The following GPATCH2 variants were observed in gnomAD, a reference collection of about 807,000 sequenced individuals.
GPATCH2 encodes the protein G-patch domain containing 2, also known as G patch domain-containing protein 2.
Under a neutral mutation model 58.0 loss-of-function variants are expected in GPATCH2, and 51 were observed. That is an observed-to-expected ratio of 0.88 (90% confidence interval 0.70 to 1.11). The LOEUF (loss-of-function observed/expected upper bound fraction) is 1.11. Ranked by LOEUF, GPATCH2 falls within the 50% of genes most tolerant of loss-of-function variation. The probability of loss-of-function intolerance (pLI) is 0.00; values close to 1 mark genes in which losing one functional copy is unlikely to be tolerated. For synonymous variants in GPATCH2, 222 were observed against 218.5 expected (o/e 1.02, Z -0.14); for missense variants, 625 against 652.2 (o/e 0.96, Z 0.45).
intron 5 of GPATCH2, among the ~76,000 whole-genome samples, chr1:217,559,635 G>C (rs1480157389): frequency 1.3e-5 from 2 of 152,194 alleles, no homozygotes; most frequent in African/African-American, 4.8e-5. Flanking sequence ...AAGCAAAAGG[G>C]AGGGTGATCC....
At chr1:217,581,871 A>C (rs1667100391) in intron 5 of GPATCH2, among the ~76,000 whole-genome samples, 1 of 152,162 alleles carries the variant, frequency 6.6e-6, no homozygotes, top group Admixed American at 6.5e-5. Context: ...GAATTGCTTG[A>C]ACCTGGGAGG....
chr1:217,524,862 G>GGAGGTAGA (rs1553336430), intron 5 of GPATCH2, among the ~76,000 whole-genome samples: 1 of 7,684 alleles, frequency 1.3e-4, no homozygotes, highest in Non-Finnish European at 3.2e-4. Context: ...AGAGGGGAGA[G>GGAGGTAGA]GGGAGAGGGG....
chr1:217,612,073 G>A (rs1419839921), intron 3 of GPATCH2, among the ~76,000 whole-genome samples: 1 of 152,000 alleles, frequency 6.6e-6, no homozygotes, highest in African/African-American at 2.4e-5. Flanking sequence ...CTAGCTACTC[G>A]GGAGTCTGAG....
At chr1:217,454,043 T>A (rs1222416467) in intron 8 of GPATCH2, among the ~76,000 whole-genome samples, 2 of 152,104 alleles carry the variant, frequency 1.3e-5, no homozygotes, top group African/African-American at 4.8e-5. Flanking sequence ...GTCTGTGGTG[T>A]CACTGGAGGA....
intron 9 of GPATCH2, among the ~76,000 whole-genome samples, chr1:217,437,450 C>G (rs920360603): frequency 4.6e-5 from 7 of 152,130 alleles, no homozygotes; most frequent in African/African-American, 1.7e-4. Context: ...CACATCCCAC[C>G]CCCATGAAGC....
At chr1:217,549,480 G>A (rs1183329360) in intron 5 of GPATCH2, among the ~76,000 whole-genome samples, 2 of 152,134 alleles carry the variant, frequency 1.3e-5, no homozygotes, top group East Asian at 1.9e-4. Context: ...AGTATCCCAT[G>A]AGAAAAGTTT....
At chr1:217,619,386 A>T (rs1021177211) in intron 2 of GPATCH2, among the ~76,000 whole-genome samples, 1 of 152,224 alleles carries the variant, frequency 6.6e-6, no homozygotes, top group African/African-American at 2.4e-5. Flanking sequence ...TTGATGTTCA[A>T]GAATCAGGAT....
intron 5 of GPATCH2, among the ~76,000 whole-genome samples, chr1:217,522,857 C>G (rs1390126642): frequency 6.6e-6 from 1 of 151,570 alleles, no homozygotes; most frequent in Non-Finnish European, 1.5e-5. Flanking sequence ...CACACAACTT[C>G]TCAAAATTAA....
At position 217,429,188 on chromosome 1, in the gene GPATCH2, C is replaced by A. The variant is rs1658423810; in HGVS notation, c.*1957G>T. The A allele has an allele frequency of 6.6e-6, 1 of 152,054 alleles. No homozygotes were observed. Among genetic ancestry groups the A allele is most frequent in the African/African-American group, 2.4e-5 (1 of 41,404 alleles). The allele number at this position is 152,054 out of a possible 1,614,324, so 9.4% of individuals were successfully genotyped here. On this transcript the variant is annotated 3_prime_UTR_variant, in exon 10 of 10. Transcript: ENST00000366935. ...TTTAAAACTTGTATATAATCTCCCC[C>A]CGGCTACATAGACAGAATGAGCATT...
chr1:217,608,563 C>T lies in GPATCH2; in HGVS notation c.1098+1758G>A, dbSNP rs910532915. ...TAAGCCTAGAAAATGGGCTACAAATCCCAGCTATGCTCAAGCAAGCAGTGA... is the reference window on the plus strand; with the variant it reads ...TAAGCCTAGAAAATGGGCTACAAATTCCAGCTATGCTCAAGCAAGCAGTGA... On this transcript the variant is annotated intron_variant, in intron 5 of 9. Transcript: ENST00000366935. The T allele has an allele frequency of 5.2e-5, 51 of 985,014 alleles. No individual in the cohort carries two copies. The African/African-American group carries it at 8.7e-4, about 17-fold the overall frequency. The allele number at this position is 985,014 out of a possible 1,614,324, so 61.0% of individuals were successfully genotyped here. A position where few individuals can be genotyped will look rare whatever the true frequency, so the allele number is the denominator to read the frequency against.
intron 5 of GPATCH2, among the ~76,000 whole-genome samples, chr1:217,528,167 G>C (rs1467562976): frequency 6.6e-6 from 1 of 152,050 alleles, no homozygotes; most frequent in Non-Finnish European, 1.5e-5. Flanking sequence ...GGTTGGATAG[G>C]CAACAAAGGT....
chr1:217,436,664 TGAC>T (rs1252692754), intron 9 of GPATCH2, among the ~76,000 whole-genome samples: 1 of 152,194 alleles, frequency 6.6e-6, no homozygotes, highest in Non-Finnish European at 1.5e-5. Flanking sequence ...TAGAATACAA[TGAC>T]GTCTGTAGCC....
intron 8 of GPATCH2, among the ~76,000 whole-genome samples, chr1:217,485,923 CTTAA>C (rs771665165): frequency 6.6e-6 from 1 of 152,182 alleles, no homozygotes; most frequent in Non-Finnish European, 1.5e-5. Flanking sequence ...ACCAGACTGT[CTTAA>C]TTAACATAGC....
At chr1:217,524,306 G>A (rs1663692244) in intron 5 of GPATCH2, among the ~76,000 whole-genome samples, 1 of 151,422 alleles carries the variant, frequency 6.6e-6, no homozygotes, top group African/African-American at 2.4e-5. Context: ...ATGGGATGGC[G>A]GCTGGGAAGA....
At chr1:217,435,417 C>T (rs1310497661) in intron 9 of GPATCH2, among the ~76,000 whole-genome samples, 1 of 152,160 alleles carries the variant, frequency 6.6e-6, no homozygotes, top group Non-Finnish European at 1.5e-5. Context: ...CTCTCTTAGC[C>T]ACTAATCTAT....
intron 5 of GPATCH2, among the ~76,000 whole-genome samples, chr1:217,553,357 T>C (rs1665453262): frequency 6.6e-6 from 1 of 152,070 alleles, no homozygotes; most frequent in South Asian, 2.1e-4. Flanking sequence ...CTTTAAAAAA[T>C]TTGGTATACA....
chr1:217,563,322 C>A (rs912775335), intron 5 of GPATCH2, among the ~76,000 whole-genome samples: 1 of 152,056 alleles, frequency 6.6e-6, no homozygotes, highest in Non-Finnish European at 1.5e-5. Context: ...ACTGCTCAAC[C>A]CTTCAAACTT....
intron 5 of GPATCH2, among the ~76,000 whole-genome samples, chr1:217,547,458 G>T (rs1217721447): frequency 6.6e-6 from 1 of 152,124 alleles, no homozygotes; most frequent in Non-Finnish European, 1.5e-5. Context: ...GTGCGAGATA[G>T]TGTGGCAATT....
chr1:217,528,508 AAGG>A (rs1197201734), intron 5 of GPATCH2, among the ~76,000 whole-genome samples: 1 of 152,166 alleles, frequency 6.6e-6, no homozygotes, highest in Admixed American at 6.5e-5. Context: ...GGTGAATGAA[AAGG>A]AGAACTAAGG....
Sources: allele counts gnomAD v4.1 joint callset (sites outside exome capture counted in the v4.1 genomes callset), GRCh38; gene constraint gnomAD v4.1.1; transcripts MANE v1.5; gene names NCBI Gene and HGNC (gene_info 2026-07-23, HGNC 2026-07-21).